Variants in PRKCA observed in about 807,000 individuals in gnomAD.
PRKCA encodes the protein protein kinase C alpha type.
PRKCA carries 27 observed loss-of-function variants against 87.0 expected under a neutral mutation model. The observed-to-expected ratio is 0.31, with a 90% CI of 0.23 to 0.43. The LOEUF (loss-of-function observed/expected upper bound fraction) is 0.43. Among genes scored for constraint, PRKCA ranks in the 20% least tolerant of loss-of-function variants. The pLI is 1.00. For synonymous variants in PRKCA, 329 were observed against 311.1 expected, an observed-to-expected ratio of 1.06 and a Z score of -0.61; for missense variants, 518 against 852.3, an observed-to-expected ratio of 0.61 and a Z score of 4.88.
chr17:66,758,670 C>G (rs1974611425), intron 13 of PRKCA, among the ~76,000 whole-genome samples: 2 of 152,180 alleles, frequency 1.3e-5, no homozygotes, highest in South Asian at 4.1e-4. Flanking sequence ...ATCTTAACCA[C>G]CAGACATTCC....
chr17:66,439,763 C>T (rs151004381), intron 2 of PRKCA, among the ~76,000 whole-genome samples: 10 of 152,238 alleles, frequency 6.6e-5, no homozygotes, highest in East Asian at 1.9e-4. Context: ...TGCTGATGTT[C>T]GTTTTGGCAA....
At chr17:66,442,448 T>C (rs1913821325) in intron 2 of PRKCA, among the ~76,000 whole-genome samples, 1 of 152,006 alleles carries the variant, frequency 6.6e-6, no homozygotes, top group East Asian at 1.9e-4. Context: ...CTTTTCCACT[T>C]CAGAGAGTGA....
At chr17:66,791,840 A>G (rs569481138) in intron 16 of PRKCA, among the ~76,000 whole-genome samples, 1 of 152,374 alleles carries the variant, frequency 6.6e-6, no homozygotes, top group East Asian at 1.9e-4. Flanking sequence ...GCGGCGTAGA[A>G]AAGTTATTCT....
intron 2 of PRKCA, among the ~76,000 whole-genome samples, chr17:66,435,335 C>G (rs560176028): frequency 6.6e-6 from 1 of 152,310 alleles, no homozygotes; most frequent in African/African-American, 2.4e-5. Flanking sequence ...CTTGCTCTGA[C>G]TTCTTTGTAA....
intron 2 of PRKCA, among the ~76,000 whole-genome samples, chr17:66,453,770 T>C (rs1914448628): frequency 6.6e-6 from 1 of 152,130 alleles, no homozygotes; most frequent in African/African-American, 2.4e-5. Context: ...TAACATTGGG[T>C]TTTACTCAAA....
chr17:66,349,061 C>G (rs1030604855), intron 2 of PRKCA, among the ~76,000 whole-genome samples: 3 of 152,136 alleles, frequency 2.0e-5, no homozygotes, highest in African/African-American at 7.2e-5. Context: ...CAAAATGCAC[C>G]AGAACCTGAA....
chr17:66,559,815 C>T (rs7225359), intron 3 of PRKCA, among the ~76,000 whole-genome samples: 18,608 of 152,030 alleles, frequency 0.12, 1,278 homozygotes, highest in African/African-American at 0.18. Context: ...TGTATGTGGA[C>T]GGCTGTAATT....
At chr17:66,751,498 G>C (rs775764711) in intron 13 of PRKCA, among the ~76,000 whole-genome samples, 1 of 152,206 alleles carries the variant, frequency 6.6e-6, no homozygotes. Context: ...GAGACTTCTT[G>C]GTTCTGGAAA....
At chr17:66,541,274 T>G (rs1021400200) in intron 3 of PRKCA, among the ~76,000 whole-genome samples, 2 of 152,190 alleles carry the variant, frequency 1.3e-5, no homozygotes, top group African/African-American at 4.8e-5. Flanking sequence ...AGATTGTGGC[T>G]CAGTAAGAAG....
At chr17:66,370,980 T>C (rs561813997) in intron 2 of PRKCA, among the ~76,000 whole-genome samples, 6 of 152,224 alleles carry the variant, frequency 3.9e-5, no homozygotes, top group Non-Finnish European at 8.8e-5. Flanking sequence ...GCATGTTGCC[T>C]GTAGCATTTC....
intron 5 of PRKCA, among the ~76,000 whole-genome samples, chr17:66,686,708 G>T (rs1026455703): frequency 4.6e-5 from 7 of 152,158 alleles, no homozygotes; most frequent in African/African-American, 7.2e-5. Flanking sequence ...ACCAGGTTGG[G>T]CTGGTCGCTT....
At chr17:66,756,069 C>T (rs536019018) in intron 13 of PRKCA, among the ~76,000 whole-genome samples, 12 of 152,308 alleles carry the variant, frequency 7.9e-5, no homozygotes, top group South Asian at 4.1e-4. Context: ...GAATCAGTCA[C>T]GGGGGCTCCA....
intron 12 of PRKCA, 52 bp from the exon 13 acceptor site, chr17:66,742,569 CA>C: frequency 6.3e-7 from 1 of 1,591,092 alleles, no homozygotes; most frequent in Non-Finnish European, 8.6e-7. Context: ...AGTTCCAAAG[CA>C]AACCATGTTA....
At chr17:66,636,858 C>T (rs955562465) in intron 3 of PRKCA, among the ~76,000 whole-genome samples, 4 of 152,272 alleles carry the variant, frequency 2.6e-5, no homozygotes, top group Non-Finnish European at 5.9e-5. Context: ...CTCCACAGTC[C>T]TGCTAAGTGC....
intron 2 of PRKCA, among the ~76,000 whole-genome samples, chr17:66,447,039 G>A (rs1218217372): frequency 6.6e-6 from 1 of 152,182 alleles, no homozygotes; most frequent in East Asian, 1.9e-4. Context: ...AGTGTAAGAA[G>A]TAGTTTAGCA....
At chr17:66,411,322 A>T (rs1421684211) in intron 2 of PRKCA, among the ~76,000 whole-genome samples, 1 of 151,258 alleles carries the variant, frequency 6.6e-6, no homozygotes, top group Non-Finnish European at 1.5e-5. Context: ...GGATCCTGCC[A>T]AAGTGCTGGG....
At position 66,642,223 on chromosome 17, in the gene PRKCA, G is replaced by A. The variant is rs556683783; in HGVS notation, c.400+757G>A. On this transcript the variant is annotated intron_variant, in intron 4 of 16. Coordinates refer to ENST00000413366, the MANE Select transcript of PRKCA (RefSeq NM_002737.3). ...CGGCTCACTGCAAGCTCCACCTCCC[G>A]AGTTCACACCATTCTCTTGCCTCAG... is the stretch of plus-strand genomic sequence containing the variant. Among the ~76,000 whole-genome samples, 42 of 151,668 alleles carry A rather than the reference G, an allele frequency of 2.8e-4. 2 individuals are homozygous for A. In the South Asian group the frequency reaches 8.1e-3, roughly 29 times the overall value.
At position 66,805,586 on chromosome 17, in the gene PRKCA, T is replaced by A. The variant is rs1051674015; in HGVS notation, c.*1549T>A. 19 of 152,358 alleles carry A rather than the reference T, an allele frequency of 1.2e-4. No individual in the cohort carries two copies. Among genetic ancestry groups the A allele is most frequent in the African/African-American group, 4.6e-4 (19 of 41,570 alleles). 9.4% of individuals were successfully genotyped at this position (152,358 alleles called of 1,614,324 possible). On this transcript the variant is annotated 3_prime_UTR_variant, in exon 17 of 17. Coordinates refer to ENST00000413366, the MANE Select transcript of PRKCA (RefSeq NM_002737.3). ...CTTACTACATATGTGTGTGTATATA[T>A]ATGTATTTGATTCTACCTGCAAACA... is the stretch of plus-strand genomic sequence containing the variant.
At chr17:66,771,968 T>C (rs1489834128) in intron 13 of PRKCA, among the ~76,000 whole-genome samples, 2 of 152,244 alleles carry the variant, frequency 1.3e-5, no homozygotes, top group East Asian at 3.8e-4. Context: ...CTGGAATTTT[T>C]TTTAAAAGCA....
Sources: allele counts gnomAD v4.1 joint callset (sites outside exome capture counted in the v4.1 genomes callset), GRCh38; gene constraint gnomAD v4.1.1; transcripts MANE v1.5; gene names NCBI Gene and HGNC (gene_info 2026-07-23, HGNC 2026-07-21).